The following NPAS3 variants were observed in gnomAD, a reference collection of about 807,000 sequenced individuals.
The protein encoded by NPAS3 is neuronal PAS domain-containing protein 3.
A neutral mutation model predicts 73.1 loss-of-function variants in NPAS3; 14 were observed. The observed-to-expected ratio is 0.19, with a 90% CI of 0.13 to 0.30. The LOEUF (loss-of-function observed/expected upper bound fraction) is 0.30. Ranked by LOEUF, NPAS3 falls within the 10% of genes least tolerant of loss-of-function variation. The pLI, the probability that NPAS3 is intolerant of heterozygous loss-of-function variation, is 1.00. For synonymous variants in NPAS3, 620 were observed against 541.5 expected, an observed-to-expected ratio of 1.14 and a Z score of -2.01; for missense variants, 1,096 against 1,250.0, an observed-to-expected ratio of 0.88 and a Z score of 1.86.
At chr14:32,976,694 A>G (rs141235876) in intron 1 of NPAS3, among the ~76,000 whole-genome samples, 1 of 152,224 alleles carries the variant, frequency 6.6e-6, no homozygotes, top group African/African-American at 2.4e-5. Flanking sequence ...TTACTACTGT[A>G]TGCATACACA....
intron 2 of NPAS3, among the ~76,000 whole-genome samples, chr14:33,115,508 A>C (rs1232864385): frequency 4.6e-5 from 7 of 152,136 alleles, no homozygotes; most frequent in African/African-American, 1.4e-4. Context: ...TGGGTCACCA[A>C]CTTCTTTGGT....
At chr14:33,353,569 T>C (rs186851969) in intron 3 of NPAS3, among the ~76,000 whole-genome samples, 1 of 152,340 alleles carries the variant, frequency 6.6e-6, no homozygotes, top group East Asian at 1.9e-4. Flanking sequence ...ATGAAGTAAG[T>C]AGGAAGCCTC....
At chr14:33,179,689 A>G (rs1346796484) in intron 2 of NPAS3, among the ~76,000 whole-genome samples, 2 of 152,176 alleles carry the variant, frequency 1.3e-5, no homozygotes, top group African/African-American at 4.8e-5. Context: ...GGCTACAACT[A>G]AAGAATACCA....
intron 1 of NPAS3, among the ~76,000 whole-genome samples, chr14:32,961,773 G>A (rs747169729): frequency 4.6e-5 from 7 of 152,100 alleles, no homozygotes; most frequent in Non-Finnish European, 8.8e-5. Context: ...TTTTATAGAT[G>A]AGGAACTAAG....
At chr14:33,196,548 G>A (rs535590665) in intron 2 of NPAS3, among the ~76,000 whole-genome samples, 4 of 152,150 alleles carry the variant, frequency 2.6e-5, no homozygotes, top group Non-Finnish European at 4.4e-5. Flanking sequence ...GCATAGATGG[G>A]TGGCTCTCCA....
intron 4 of NPAS3, among the ~76,000 whole-genome samples, chr14:33,502,426 T>A (rs1420136456): frequency 6.6e-6 from 1 of 151,942 alleles, no homozygotes; most frequent in African/African-American, 2.4e-5. Context: ...CCTGTGCTGC[T>A]CTTCGTTGGG....
intron 2 of NPAS3, among the ~76,000 whole-genome samples, chr14:33,207,012 A>G (rs575024829): frequency 3.9e-5 from 6 of 152,138 alleles, no homozygotes. Flanking sequence ...AGGATGAGAA[A>G]GCCTTTATCC....
chr14:33,561,628 A>C (rs2055654162), intron 5 of NPAS3, among the ~76,000 whole-genome samples: 1 of 152,194 alleles, frequency 6.6e-6, no homozygotes, highest in Admixed American at 6.5e-5. Context: ...TAGTATTGAG[A>C]ATCTTCAATT....
intron 5 of NPAS3, among the ~76,000 whole-genome samples, chr14:33,651,691 C>T (rs1209521359): frequency 6.6e-6 from 1 of 152,000 alleles, no homozygotes; most frequent in African/African-American, 2.4e-5. Context: ...GATAATAATA[C>T]CCCCTTTCTA....
chr14:33,405,457 G>A (rs2047624742), intron 4 of NPAS3, among the ~76,000 whole-genome samples: 1 of 151,994 alleles, frequency 6.6e-6, no homozygotes, highest in Non-Finnish European at 1.5e-5. Flanking sequence ...CAAATAACAA[G>A]TATAAAGCAA....
chr14:33,790,417 A>T (rs2063323298), intron 9 of NPAS3, among the ~76,000 whole-genome samples: 1 of 152,216 alleles, frequency 6.6e-6, no homozygotes, highest in Non-Finnish European at 1.5e-5. Flanking sequence ...TTTATTACAC[A>T]CTAAAAATCC....
At chr14:33,380,871 C>T (rs1482796417) in intron 4 of NPAS3, among the ~76,000 whole-genome samples, 1 of 152,050 alleles carries the variant, frequency 6.6e-6, no homozygotes, top group African/African-American at 2.4e-5. Context: ...CCCTTTAGGC[C>T]ACCACAAAAA....
chr14:33,275,649 T>G (rs2140034411), intron 3 of NPAS3, among the ~76,000 whole-genome samples: 1 of 152,318 alleles, frequency 6.6e-6, no homozygotes, highest in East Asian at 1.9e-4. Flanking sequence ...GAATTCATGT[T>G]TAAAGGACCT....
intron 2 of NPAS3, among the ~76,000 whole-genome samples, chr14:33,111,178 A>G (rs1044822348): frequency 1.3e-5 from 2 of 152,214 alleles, no homozygotes; most frequent in Non-Finnish European, 2.9e-5. Context: ...TCACTGAGCC[A>G]GGCAGAAAGC....
chr14:33,038,239 T>C (rs566262101), intron 1 of NPAS3, among the ~76,000 whole-genome samples: 22 of 152,284 alleles, frequency 1.4e-4, no homozygotes, highest in Middle Eastern at 3.4e-3. Flanking sequence ...TTTATTTCCA[T>C]GGCAGATAGC....
chr14:33,313,865 C>G (rs1008330660), intron 3 of NPAS3, among the ~76,000 whole-genome samples: 1 of 152,008 alleles, frequency 6.6e-6, no homozygotes, highest in African/African-American at 2.4e-5. Context: ...CCCTTTTGGT[C>G]ACACTGCTAA....
At chr14:33,195,256 GT>G (rs1055358439) in intron 2 of NPAS3, among the ~76,000 whole-genome samples, 9 of 150,750 alleles carry the variant, frequency 6.0e-5, no homozygotes, top group Middle Eastern at 3.4e-3. Context: ...TTAAAAAAGG[GT>G]TTTTTTTTGT....
intron 2 of NPAS3, among the ~76,000 whole-genome samples, chr14:33,114,244 C>T (rs908202973): frequency 2.0e-5 from 3 of 152,038 alleles, no homozygotes; most frequent in Non-Finnish European, 2.9e-5. Context: ...CCATGTTGGC[C>T]AGGTTGGTGT....
chr14:32,994,285 G>C (rs2038461191), intron 1 of NPAS3, among the ~76,000 whole-genome samples: 1 of 152,168 alleles, frequency 6.6e-6, no homozygotes, highest in Admixed American at 6.5e-5. Context: ...GTACTTCACT[G>C]TTCTGTTACA....
Sources: allele counts gnomAD v4.1 joint callset (sites outside exome capture counted in the v4.1 genomes callset), GRCh38; gene constraint gnomAD v4.1.1; transcripts MANE v1.5; gene names NCBI Gene and HGNC (gene_info 2026-07-23, HGNC 2026-07-21).